The following NUP98 variants were observed in gnomAD, a reference collection of about 807,000 sequenced individuals.
NUP98 encodes nuclear pore complex protein Nup98-Nup96.
Under a neutral mutation model 191.9 loss-of-function variants are expected in NUP98, and 26 were observed. The ratio of observed to expected loss-of-function variants is 0.14; its 90% CI spans 0.10 to 0.19. The LOEUF (loss-of-function observed/expected upper bound fraction) is 0.19, where lower values mean the gene tolerates loss of function less well. Ranked by LOEUF, NUP98 falls within the 10% of genes least tolerant of loss-of-function variation. The probability of loss-of-function intolerance (pLI) is 1.00; values close to 1 mark genes in which losing one functional copy is unlikely to be tolerated. For synonymous variants in NUP98, 808 were observed against 778.4 expected (o/e 1.04, Z -0.63); for missense variants, 1,941 against 2,178.8 (o/e 0.89, Z 2.17).
rs1283297351 is a variant in NUP98, at chr11:3,735,194, T to C, written c.1539A>G (p.Glu513=). ...ACAGAAGTATCCTTAAATTTACCTC[T>C]TCCTTCTTCTTAGGGTCTGACATCG... ...RNPMSDPKKK[E]ERLKPTNPAA... The change falls in exon 13 of 33, where the codon GAA becomes GAG. Residue 513 remains glutamate (E), a synonymous_variant. Coordinates refer to ENST00000324932, the MANE Select transcript of NUP98 (RefSeq NM_016320.5). The C allele has an allele frequency of 3.8e-6, 6 of 1,579,792 alleles. No individual in the cohort carries two copies. In the South Asian group the frequency reaches 5.9e-5, roughly 15 times the overall value.
rs1248396413 is a variant in NUP98, at chr11:3,776,014, T to C, written c.363A>G (p.Gly121=). The C allele has an allele frequency of 2.5e-6, 4 of 1,600,392 alleles. No individual in the cohort carries two copies. Among genetic ancestry groups the C allele is most frequent in the Non-Finnish European group, 3.4e-6 (4 of 1,176,164 alleles). ...QNKPTGFGNF[G]TSTSSGGLFG... is the part of the protein sequence containing the mutation. ...AGAGTCCTCCACTGCTAGTACTGGTTCCAAAATCTAAAAATAAGAAAGAAA... is the reference window on the plus strand; with the variant it reads ...AGAGTCCTCCACTGCTAGTACTGGTCCCAAAATCTAAAAATAAGAAAGAAA... The change falls in exon 5 of 33, where the codon GGA becomes GGG. Residue 121 remains glycine (G), a synonymous_variant. Transcript: ENST00000324932.
chr11:3,684,655 A>G (rs1339998930), intron 29 of NUP98, among the ~76,000 whole-genome samples: 7 of 152,046 alleles, frequency 4.6e-5, no homozygotes, highest in Non-Finnish European at 1.0e-4. Flanking sequence ...CTGCTTAAAG[A>G]AAGAGAAATT....
chr11:3,756,642 G>A (rs1251740091), intron 10 of NUP98, among the ~76,000 whole-genome samples: 3 of 151,320 alleles, frequency 2.0e-5, no homozygotes, highest in Non-Finnish European at 4.4e-5. Flanking sequence ...AGTCTATCTC[G>A]AACTCCTGAC....
Position 3,718,405 on chromosome 11 carries a change from G to A in NUP98, c.2399+1007C>T, listed in dbSNP as rs1162102662. 4.6e-5 allele frequency among the ~76,000 whole-genome samples: 7 copies of A among 152,030 alleles called. 1 individual carries two copies. In the South Asian group the frequency reaches 1.0e-3, roughly 23 times the overall value. On this transcript the variant is annotated intron_variant, in intron 18 of 32. Transcript: ENST00000324932. ...ACAAAAATTAGCTGAGCATGGTGGC[G>A]GGCACCTATAATCCCAGCTACTCTG...
chr11:3,760,450 G>T, intron 10 of NUP98, 89 bp downstream of exon 10: 2 of 1,585,828 alleles, frequency 1.3e-6, no homozygotes, highest in Non-Finnish European at 1.7e-6. Flanking sequence ...TATAGTCAGT[G>T]TAACTTTAAG....
In NUP98 at chr11:3,675,592, T is replaced by C; in HGVS notation, c.*567A>G. 4.2e-6 allele frequency: 1 copy of C among 238,688 alleles called. No individual in the cohort carries two copies. Among genetic ancestry groups the C allele is most frequent in the Non-Finnish European group, 8.3e-6 (1 of 120,302 alleles). 14.8% of individuals were successfully genotyped at this position (238,688 alleles called of 1,614,324 possible). A position where few individuals can be genotyped will look rare whatever the true frequency, so the allele number is the denominator to read the frequency against. On this transcript the variant is annotated 3_prime_UTR_variant, in exon 33 of 33. Transcript: ENST00000324932. ...CAATCCCTCCGTGACAGGCATTCAC[T>C]TCTGCCCTAAGTGTGTCAGAAAGAT...
At chr11:3,741,607 C>A (rs552207746) in intron 12 of NUP98, among the ~76,000 whole-genome samples, 2 of 151,674 alleles carry the variant, frequency 1.3e-5, no homozygotes, top group African/African-American at 4.8e-5. Flanking sequence ...GGTGACAGTG[C>A]GAAACTCCGT....
intron 1 of NUP98, among the ~76,000 whole-genome samples, chr11:3,783,541 A>C (rs2082045654): frequency 1.3e-5 from 2 of 152,198 alleles, no homozygotes; most frequent in African/African-American, 4.8e-5. Flanking sequence ...TCTACTAAAA[A>C]TACAAAAATT....
In NUP98 at chr11:3,771,940, GA is replaced by G. The variant is rs2081545281; in HGVS notation, c.604-13del. 1.2e-6 allele frequency: 2 copies of G among 1,608,296 alleles called. No individual in the cohort carries two copies. The highest frequency in any genetic ancestry group is 1.7e-5 in the Admixed American group (1 of 59,598). On this transcript the variant is annotated splice_polypyrimidine_tract_variant and intron_variant, in intron 6 of 32. Coordinates refer to ENST00000324932, the MANE Select transcript of NUP98 (RefSeq NM_016320.5). ...TCTAAACGAAGTTCCTGAAGGGAGG[GA>G]AAACATATTTCTAATCTTAACATGC...
At chr11:3,772,990 C>CA (rs1042027964) in intron 6 of NUP98, among the ~76,000 whole-genome samples, 28 of 150,218 alleles carry the variant, frequency 1.9e-4, no homozygotes, top group African/African-American at 4.9e-4. Context: ...AACAAACAAA[C>CA]AAAAAAAACA....
intron 18 of NUP98, among the ~76,000 whole-genome samples, chr11:3,714,513 TACATCTAAAC>T (rs576870360): frequency 1.2e-4 from 18 of 152,306 alleles, no homozygotes; most frequent in African/African-American, 4.3e-4. Context: ...TTGTATGCCT[TACATCTAAAC>T]ACAGTGACTA....
At chr11:3,686,839 T>C (rs952752115) in intron 28 of NUP98, among the ~76,000 whole-genome samples, 1 of 152,022 alleles carries the variant, frequency 6.6e-6, no homozygotes, top group African/African-American at 2.4e-5. Flanking sequence ...ATACAAAAAT[T>C]AGCCAGGTGT....
At chr11:3,758,055 C>T (rs750610394) in intron 10 of NUP98, among the ~76,000 whole-genome samples, 3 of 151,810 alleles carry the variant, frequency 2.0e-5, no homozygotes, top group African/African-American at 7.3e-5. Flanking sequence ...TGGTGGCTCA[C>T]GCCTGTAATC....
At position 3,719,444 on chromosome 11, in the gene NUP98, G is replaced by T. The variant is rs775995506; in HGVS notation, c.2367C>A (p.Asn789Lys). Residue 789 changes from asparagine (N) to lysine (K), a missense_variant, in exon 18 of 33, where the codon AAC (asparagine) becomes AAA (lysine). Transcript: ENST00000324932. ...RKEVVVYLDDNQKPPVGEGLN... is the reference protein window; with the variant it reads ...RKEVVVYLDDKQKPPVGEGLN... Reference sequence around the variant, plus strand: ...GCCCTTCACCCACAGGTGGTTTTTGGTTATCATCTAAGTAGACAACTACTT... The same window carrying T: ...GCCCTTCACCCACAGGTGGTTTTTGTTTATCATCTAAGTAGACAACTACTT... 1.9e-6 allele frequency: 3 copies of T among 1,597,264 alleles called. No individual in the cohort carries two copies. The highest frequency in any genetic ancestry group is 2.7e-5 in the African/African-American group (2 of 73,710).
chr11:3,772,812 C>CAA (rs35653017), intron 6 of NUP98, among the ~76,000 whole-genome samples: 31,519 of 133,678 alleles, frequency 0.24, 3,826 homozygotes, highest in Non-Finnish European at 0.28. Context: ...AGACTCGTCT[C>CAA]AAAAAAAAAA....
intron 11 of NUP98, among the ~76,000 whole-genome samples, chr11:3,749,152 CAAAA>C (rs1290828939): frequency 1.4e-5 from 2 of 143,492 alleles, no homozygotes; most frequent in African/African-American, 5.2e-5. Context: ...ACTAAAAATA[CAAAA>C]AATTAGCCGG....
At chr11:3,794,733 G>A (rs2134001704) in intron 1 of NUP98, among the ~76,000 whole-genome samples, 1 of 152,128 alleles carries the variant, frequency 6.6e-6, no homozygotes, top group Middle Eastern at 3.4e-3. Flanking sequence ...TTTGATTTCA[G>A]CCTCCTAAGT....
Position 3,705,357 on chromosome 11 carries a change from C to G in NUP98, c.2926-1G>C. The G allele has an allele frequency of 6.2e-7, 1 of 1,613,760 alleles. No homozygotes were observed. Among genetic ancestry groups the G allele is most frequent in the Non-Finnish European group, 8.5e-7 (1 of 1,179,848 alleles). ...CAGTAAGCAATGATGCTTTCATGAT[C>G]TAAAAAGGCAATATCTATAGAATGA... On this transcript the variant is annotated splice_acceptor_variant, in intron 21 of 32. Coordinates refer to ENST00000324932, the MANE Select transcript of NUP98 (RefSeq NM_016320.5). LOFTEE classifies it high-confidence loss of function.
intron 27 of NUP98, 144 bp from the exon 28 acceptor site, chr11:3,691,633 A>T: frequency 1.4e-6 from 1 of 727,934 alleles, no homozygotes; most frequent in Non-Finnish European, 2.2e-6. Flanking sequence ...GGCTCACTGC[A>T]ACCTCCGCTT....
Sources: allele counts gnomAD v4.1 joint callset (sites outside exome capture counted in the v4.1 genomes callset), GRCh38; gene constraint gnomAD v4.1.1; transcripts MANE v1.5; gene names NCBI Gene and HGNC (gene_info 2026-07-23, HGNC 2026-07-21).